The following TASOR2 variants were observed in gnomAD, a reference collection of about 807,000 sequenced individuals.
TASOR2 encodes protein TASOR 2.
TASOR2 carries 84 observed loss-of-function variants against 199.5 expected under a neutral mutation model. The ratio of observed to expected loss-of-function variants is 0.42; its 90% CI spans 0.35 to 0.50. The LOEUF (loss-of-function observed/expected upper bound fraction) is 0.50, where lower values mean the gene tolerates loss of function less well. TASOR2 is among the 20% of genes least tolerant of loss of function. The pLI is 0.02. For synonymous variants in TASOR2, 1,103 were observed against 1,046.6 expected (o/e 1.05, Z -1.04); for missense variants, 2,796 against 2,835.9 (o/e 0.99, Z 0.32).
chr10:5,715,488 A>G (rs1048297124), intron 2 of TASOR2, among the ~76,000 whole-genome samples: 1 of 152,162 alleles, frequency 6.6e-6, no homozygotes, highest in Non-Finnish European at 1.5e-5. Flanking sequence ...CATATCATAT[A>G]TGGTATTTTT....
intron 18 of TASOR2, among the ~76,000 whole-genome samples, chr10:5,760,546 T>G (rs1359421556): frequency 6.6e-6 from 1 of 152,164 alleles, no homozygotes; most frequent in Non-Finnish European, 1.5e-5. Flanking sequence ...TATTTTAAAG[T>G]TTATACAAAA....
At chr10:5,712,445 C>T in intron 1 of TASOR2, 1 of 1,231,678 alleles carries the variant, frequency 8.1e-7, no homozygotes. Flanking sequence ...AGGGCAGTTT[C>T]ACTCCTCCAT....
At chr10:5,749,221 C>G (rs1252634424) in exon 15 of TASOR2, 5 of 1,614,148 alleles carry the variant, frequency 3.1e-6, no homozygotes, top group Non-Finnish European at 3.4e-6. Context: ...AACAAAAGAA[C>G]TCAAAGATAC....
intron 18 of TASOR2, among the ~76,000 whole-genome samples, chr10:5,759,767 A>G (rs1839506759): frequency 6.6e-6 from 1 of 152,276 alleles, no homozygotes; most frequent in Non-Finnish European, 1.5e-5. Flanking sequence ...TTTGAGGAAC[A>G]GAATCTCAGA....
Position 5,759,427 on chromosome 10 carries a change from A to G in TASOR2, c.6992+435A>G, listed in dbSNP as rs543704329. Among the ~76,000 whole-genome samples, 36 of 152,358 alleles carry G rather than the reference A, an allele frequency of 2.4e-4. No individual in the cohort carries two copies. The South Asian group carries it at 3.7e-3, about 16-fold the overall frequency. On this transcript the variant is annotated intron_variant, in intron 18 of 20. Transcript: ENST00000328090. Reference sequence around the variant, plus strand: ...TAAATACGCAAACTTCACTAAGTCTAAAGCTGTAATTTATAAAAGAAAAAA... The same window carrying G: ...TAAATACGCAAACTTCACTAAGTCTGAAGCTGTAATTTATAAAAGAAAAAA...
chr10:5,700,794 CTGTG>C (rs145379583), intron 1 of TASOR2, among the ~76,000 whole-genome samples: 1 of 149,326 alleles, frequency 6.7e-6, no homozygotes, highest in East Asian at 2.0e-4. Flanking sequence ...GGGGGTGTGT[CTGTG>C]TGTGTGTGTG....
At chr10:5,709,056 C>T (rs1475100917) in intron 1 of TASOR2, among the ~76,000 whole-genome samples, 3 of 152,118 alleles carry the variant, frequency 2.0e-5, no homozygotes, top group African/African-American at 7.2e-5. Context: ...GACTGTTTGC[C>T]ATTTGTCTTG....
At chr10:5,746,092 C>T in intron 14 of TASOR2, 87 bp from the exon 16 acceptor site, 1 of 1,351,936 alleles carries the variant, frequency 7.4e-7, no homozygotes, top group East Asian at 2.4e-5. Flanking sequence ...TAATTTTTAT[C>T]TTTTCTGTTC....
chr10:5,725,602 AC>A (rs930461401), intron 8 of TASOR2, among the ~76,000 whole-genome samples: 1 of 96,342 alleles, frequency 1.0e-5, no homozygotes, highest in African/African-American at 4.3e-5. Context: ...TCTTATCTCT[AC>A]CAAAATTAAA....
At position 5,730,496 on chromosome 10, in the gene TASOR2, A is replaced by G; in HGVS notation, c.497A>G (p.Asp166Gly). 6.3e-7 allele frequency: 1 copy of G among 1,594,766 alleles called. No individual in the cohort carries two copies. The highest frequency in any genetic ancestry group is 8.5e-7 in the Non-Finnish European group (1 of 1,172,294). ...TGTGTATATATTCTAGGGGTGAAAG[A>G]TTTGAAAGTTGAAGATGACATCTCA... The change falls in exon 11 of 21, where the codon GAT (aspartate) becomes GGT (glycine). Residue 166 changes from aspartate (D) to glycine (G), a missense_variant. Around this residue, in one of 3 missense-constraint regions of TASOR2, gnomAD observed 847 missense variants for 887.4 expected, o/e 0.95. Coordinates refer to ENST00000328090, the Ensembl canonical transcript of TASOR2. This position sits in a 1 kb window ranked among gnomAD's most constrained non-coding sequence, Gnocchi z 4.1.
At chr10:5,739,886 A>G (rs1404912999) in exon 13 of TASOR2, 1 of 1,614,198 alleles carries the variant, frequency 6.2e-7, no homozygotes, top group South Asian at 1.1e-5. Context: ...TGCTCTCTAA[A>G]GAAAATTCTT....
In TASOR2 at chr10:5,722,542, C is replaced by T. The variant is rs75053900; in HGVS notation, c.147-1135C>T. Among the ~76,000 whole-genome samples, 425 of 152,086 alleles carry T rather than the reference C, an allele frequency of 2.8e-3. 10 individuals are homozygous for T. Among genetic ancestry groups the T allele is most frequent in the Admixed American group, 0.021 (323 of 15,260 alleles). On this transcript the variant is annotated intron_variant, in intron 6 of 20. Transcript: ENST00000328090. The surrounding 1 kb of genome is among the most constrained non-coding windows in gnomAD (Gnocchi z 4.0). ...AAGGGCATCAGGTTTGCATCTTACTCCCAAAAGGTTCAGAAAAAAATAATG... is the reference window on the plus strand; with the variant it reads ...AAGGGCATCAGGTTTGCATCTTACTTCCAAAAGGTTCAGAAAAAAATAATG...
chr10:5,724,508 CAG>C lies in TASOR2; in HGVS notation c.328_329del (p.Glu110MetfsTer3). The C allele has an allele frequency of 6.7e-7, 1 of 1,496,308 alleles. No individual in the cohort carries two copies. The highest frequency in any genetic ancestry group is 8.9e-7 in the Non-Finnish European group (1 of 1,122,576). 92.7% of individuals were successfully genotyped at this position (1,496,308 alleles called of 1,614,324 possible). On this transcript the variant is annotated frameshift_variant, in exon 8 of 21. Coordinates refer to ENST00000328090, the Ensembl canonical transcript of TASOR2. LOFTEE classifies it high-confidence loss of function. ...CAAGGGGAAAATATAGATAAATTAA[CAG>C]AATGTATTAAAAACAAGCAATTGGT...
At chr10:5,708,312 G>C (rs1177288475) in intron 1 of TASOR2, among the ~76,000 whole-genome samples, 1 of 152,050 alleles carries the variant, frequency 6.6e-6, no homozygotes, top group East Asian at 1.9e-4. Context: ...ATGTACACTA[G>C]TTTCCTTTTT....
Position 5,730,871 on chromosome 10 carries a change from C to G in TASOR2, c.872C>G (p.Ser291Ter). The G allele has an allele frequency of 6.2e-7, 1 of 1,614,206 alleles. No homozygotes were observed. Among genetic ancestry groups the G allele is most frequent in the Non-Finnish European group, 8.5e-7 (1 of 1,180,038 alleles). Residue 291 changes from serine (S) to a stop codon, truncating the protein, a stop_gained, in exon 11 of 21, where the codon TCA (serine) becomes TGA (stop). Transcript: ENST00000328090. LOFTEE classifies it high-confidence loss of function. The surrounding 1 kb of genome is among the most constrained non-coding windows in gnomAD (Gnocchi z 4.1). ...GAGCATCCTCAGTCTCCTTGTGTTT[C>G]AGACGGAATTTGTGATGCTGGATTT...
At chr10:5,746,526 G>A (rs1275505997) in exon 15 of TASOR2, 1 of 1,614,070 alleles carries the variant, frequency 6.2e-7, no homozygotes, top group South Asian at 1.1e-5. Context: ...ACCCTTCCTT[G>A]GAAAGAAAGG....
At position 5,742,287 on chromosome 10, in the gene TASOR2, G is replaced by T; in HGVS notation, c.2518G>T (p.Glu840Ter). Residue 840 changes from glutamate (E) to a stop codon, truncating the protein, a stop_gained, in exon 14 of 21, where the codon GAG (glutamate) becomes TAG (stop). Transcript: ENST00000328090. LOFTEE classifies it high-confidence loss of function. This position sits in a 1 kb window ranked among gnomAD's most constrained non-coding sequence, Gnocchi z 4.2. ...ATCTTGTGAGCTCCGTGAAATTGAG[G>T]AGTCCCTTGGTTTGGAAAAATGTTC... The T allele has an allele frequency of 6.2e-7, 1 of 1,614,148 alleles. No individual in the cohort carries two copies. The highest frequency in any genetic ancestry group is 8.5e-7 in the Non-Finnish European group (1 of 1,180,016).
intron 1 of TASOR2, among the ~76,000 whole-genome samples, chr10:5,705,271 T>C (rs1838436847): frequency 6.6e-6 from 1 of 152,230 alleles, no homozygotes; most frequent in Non-Finnish European, 1.5e-5. Flanking sequence ...TATGTACTCT[T>C]GTGTCTGATG....
chr10:5,745,344 C>G (rs1837036359), intron 14 of TASOR2, among the ~76,000 whole-genome samples: 1 of 152,060 alleles, frequency 6.6e-6, no homozygotes, highest in Admixed American at 6.5e-5. Flanking sequence ...GGATGAGGGG[C>G]CTTTGTTGAC....
Sources: allele counts gnomAD v4.1 joint callset (sites outside exome capture counted in the v4.1 genomes callset), GRCh38; gene constraint gnomAD v4.1.1; regional missense constraint gnomAD v4.1.1; non-coding constraint Gnocchi (gnomAD v3.1); transcripts MANE v1.5; gene names NCBI Gene and HGNC (gene_info 2026-07-23, HGNC 2026-07-21).